The following COG5 variants were observed in gnomAD, a reference collection of about 807,000 sequenced individuals.
The protein encoded by COG5 is component of oligomeric golgi complex 5.
In COG5, 86 loss-of-function variants were observed where a neutral mutation model predicts 110.4. The observed-to-expected ratio is 0.78, with a 90% CI of 0.65 to 0.93. COG5 has a LOEUF of 0.93. COG5 is among the 40% of genes least tolerant of loss of function. The probability of loss-of-function intolerance (pLI) is 0.00; values close to 1 mark genes in which losing one functional copy is unlikely to be tolerated. For synonymous variants in COG5, 360 were observed against 334.6 expected (o/e 1.08, Z -0.83); for missense variants, 1,077 against 987.0 (o/e 1.09, Z -1.22).
At chr7:107,517,939 G>C (rs1377823166) in intron 6 of COG5, among the ~76,000 whole-genome samples, 2 of 152,018 alleles carry the variant, frequency 1.3e-5, no homozygotes, top group Admixed American at 6.6e-5. Flanking sequence ...CTCGAGATCT[G>C]CCCGCCTCGG....
At chr7:107,291,529 G>C (rs1194817544) in intron 12 of COG5, among the ~76,000 whole-genome samples, 1 of 152,184 alleles carries the variant, frequency 6.6e-6, no homozygotes, top group Non-Finnish European at 1.5e-5. Context: ...AATCTCTGAT[G>C]TTCCTCAGCT....
chr7:107,551,786 G>A (rs1025003109), intron 3 of COG5, among the ~76,000 whole-genome samples: 1 of 151,938 alleles, frequency 6.6e-6, no homozygotes, highest in African/African-American at 2.4e-5. Flanking sequence ...CCAAGCTAAT[G>A]TTTTATTTTT....
At chr7:107,353,282 G>T (rs541859304) in intron 10 of COG5, among the ~76,000 whole-genome samples, 3 of 151,802 alleles carry the variant, frequency 2.0e-5, no homozygotes, top group Non-Finnish European at 2.9e-5. Flanking sequence ...AAAATTAGCC[G>T]GGCGAGGTGG....
At chr7:107,517,715 T>C (rs984803851) in intron 6 of COG5, among the ~76,000 whole-genome samples, 1 of 151,284 alleles carries the variant, frequency 6.6e-6, no homozygotes, top group African/African-American at 2.4e-5. Context: ...TTTTTTTTTT[T>C]GTGATGGAGT....
At chr7:107,376,805 C>T (rs1814675334) in intron 7 of COG5, among the ~76,000 whole-genome samples, 1 of 151,918 alleles carries the variant, frequency 6.6e-6, no homozygotes, top group Non-Finnish European at 1.5e-5. Context: ...ATTAAAGATA[C>T]TGGCTTGCTA....
At chr7:107,317,732 C>T (rs1485076657) in intron 11 of COG5, among the ~76,000 whole-genome samples, 1 of 151,942 alleles carries the variant, frequency 6.6e-6, no homozygotes, top group Non-Finnish European at 1.5e-5. Flanking sequence ...GTTTAATATC[C>T]AATAAAAATT....
chr7:107,469,510 C>A (rs887926500), intron 6 of COG5, among the ~76,000 whole-genome samples: 1 of 151,772 alleles, frequency 6.6e-6, no homozygotes, highest in Non-Finnish European at 1.5e-5. Context: ...GAATGAATAC[C>A]CAAATGAATG....
intron 10 of COG5, among the ~76,000 whole-genome samples, chr7:107,331,133 C>T (rs1042219312): frequency 3.9e-5 from 6 of 151,960 alleles, no homozygotes; most frequent in South Asian, 2.1e-4. Context: ...AATAGTGAAC[C>T]GCTTGAGAGT....
chr7:107,551,175 TG>T, intron 3 of COG5, among the ~76,000 whole-genome samples: 1 of 152,272 alleles, frequency 6.6e-6, no homozygotes, highest in Admixed American at 6.5e-5. Flanking sequence ...CCCAAGTAGC[TG>T]GGACTACAGG....
chr7:107,531,443 A>C (rs572708560), intron 5 of COG5, among the ~76,000 whole-genome samples: 60 of 126,578 alleles, frequency 4.7e-4, no homozygotes, highest in Non-Finnish European at 9.3e-4. Flanking sequence ...TAATAATCCA[A>C]TTCTGTCATT....
At position 107,401,181 on chromosome 7, in the gene COG5, T is replaced by TCAA. The variant is rs1303584580; in HGVS notation, c.669+11320_669+11321insTTG. Among the ~76,000 whole-genome samples, 13 of 152,204 alleles carry TCAA rather than the reference T, an allele frequency of 8.5e-5. No homozygotes were observed. The East Asian group carries it at 2.3e-3, about 27-fold the overall frequency. ...GGGCTGTAGTTTACCAACCCATGAT[T>TCAA]TTGGGTGTTATGTAAGAGTTCAAAT... is the stretch of plus-strand genomic sequence containing the variant. On this transcript the variant is annotated intron_variant, in intron 7 of 21. Transcript: ENST00000297135.
chr7:107,421,687 G>A (rs921959858), intron 6 of COG5, among the ~76,000 whole-genome samples: 1 of 151,780 alleles, frequency 6.6e-6, no homozygotes, highest in African/African-American at 2.4e-5. Context: ...GAACCTGGGG[G>A]CGGGGGATGG....
intron 6 of COG5, among the ~76,000 whole-genome samples, chr7:107,510,160 G>A (rs889761368): frequency 3.3e-5 from 5 of 151,906 alleles, no homozygotes; most frequent in Admixed American, 6.6e-5. Context: ...CCCATCTCAC[G>A]TGCAGAGACA....
At chr7:107,270,411 G>A (rs939690710) in intron 14 of COG5, among the ~76,000 whole-genome samples, 1 of 151,916 alleles carries the variant, frequency 6.6e-6, no homozygotes, top group Non-Finnish European at 1.5e-5. Context: ...TCAGATATGT[G>A]CCACCACATC....
chr7:107,414,803 T>C (rs1026048880), intron 6 of COG5, among the ~76,000 whole-genome samples: 1 of 135,378 alleles, frequency 7.4e-6, no homozygotes, highest in Admixed American at 8.6e-5. Context: ...CTCGGCTCAC[T>C]GCAACCTCCG....
At chr7:107,287,736 CTGTG>C (rs752460967) in intron 12 of COG5, among the ~76,000 whole-genome samples, 2 of 152,116 alleles carry the variant, frequency 1.3e-5, no homozygotes, top group Non-Finnish European at 2.9e-5. Context: ...GGATAATATA[CTGTG>C]TGTATCTGTG....
intron 7 of COG5, among the ~76,000 whole-genome samples, chr7:107,385,636 A>G: frequency 6.6e-6 from 1 of 152,192 alleles, no homozygotes; most frequent in Admixed American, 6.5e-5. Context: ...GATTCCACTT[A>G]ACATGAGGTA....
intron 7 of COG5, among the ~76,000 whole-genome samples, chr7:107,380,934 A>G (rs965033466): frequency 6.6e-6 from 1 of 152,186 alleles, no homozygotes; most frequent in Non-Finnish European, 1.5e-5. Context: ...AACCAAAACC[A>G]GTAGCACATG....
intron 17 of COG5, 87 bp downstream of exon 17, chr7:107,248,308 AG>A: frequency 1.2e-6 from 1 of 854,556 alleles, no homozygotes. Flanking sequence ...CCTGGATGGC[AG>A]GGGGGCAGCT....
Sources: allele counts gnomAD v4.1 joint callset (sites outside exome capture counted in the v4.1 genomes callset), GRCh38; gene constraint gnomAD v4.1.1; transcripts MANE v1.5; gene names NCBI Gene and HGNC (gene_info 2026-07-23, HGNC 2026-07-21).